The following PLXDC2 variants were observed in gnomAD, a reference collection of about 807,000 sequenced individuals.
The protein encoded by PLXDC2 is plexin domain-containing protein 2.
PLXDC2 carries 40 observed loss-of-function variants against 68.9 expected under a neutral mutation model. That is an observed-to-expected ratio of 0.58 (90% CI 0.45 to 0.76). The LOEUF (loss-of-function observed/expected upper bound fraction) is 0.76. PLXDC2 is among the 30% of genes least tolerant of loss of function. The pLI is 0.00. For synonymous variants in PLXDC2, 243 were observed against 234.2 expected (o/e 1.04, Z -0.34); for missense variants, 644 against 661.9 (o/e 0.97, Z 0.30).
At chr10:20,048,729 C>A (rs576413141) in intron 3 of PLXDC2, among the ~76,000 whole-genome samples, 66 of 152,164 alleles carry the variant, frequency 4.3e-4, no homozygotes, top group African/African-American at 1.5e-3. Context: ...ACAAATATGG[C>A]TACCATCTGT....
chr10:20,092,548 C>T (rs1007803635), intron 4 of PLXDC2, among the ~76,000 whole-genome samples: 2 of 152,026 alleles, frequency 1.3e-5, no homozygotes, highest in Non-Finnish European at 2.9e-5. Context: ...TTGGACAAAT[C>T]TCACAGAAGT....
chr10:19,974,322 A>G lies in PLXDC2; in HGVS notation c.113-27453A>G, dbSNP rs185400213. Among the ~76,000 whole-genome samples the G allele has an allele frequency of 3.8e-3, 574 of 152,334 alleles. 4 individuals carry two copies. The highest frequency in any genetic ancestry group is 1.6e-3 in the Non-Finnish European group (112 of 68,032). The stretch of plus-strand genomic sequence containing the variant: ...GGATCCTCATTGGACCATGAGATGT[A>G]AATTGTTAGTTCCACAACCAGCTGG... On this transcript the variant is annotated intron_variant, in intron 1 of 13. Transcript: ENST00000377252.
intron 4 of PLXDC2, among the ~76,000 whole-genome samples, chr10:20,086,378 G>T (rs1833196528): frequency 6.7e-6 from 1 of 149,618 alleles, no homozygotes; most frequent in South Asian, 2.1e-4. Context: ...TTTTTGTAGA[G>T]ACTGGGTCTC....
intron 1 of PLXDC2, among the ~76,000 whole-genome samples, chr10:19,823,498 A>G (rs12779736): frequency 0.11 from 17,195 of 151,404 alleles, 1,670 homozygotes; most frequent in African/African-American, 0.27. Context: ...CCTGGCCAAC[A>G]TGGTGAAACC....
intron 10 of PLXDC2, among the ~76,000 whole-genome samples, chr10:20,213,286 C>T (rs2131859342): frequency 6.6e-6 from 1 of 152,012 alleles, no homozygotes; most frequent in South Asian, 2.1e-4. Flanking sequence ...GATGGATAGC[C>T]AAATTTCAAG....
chr10:20,059,369 G>A (rs886167218), intron 3 of PLXDC2, among the ~76,000 whole-genome samples: 5 of 152,156 alleles, frequency 3.3e-5, no homozygotes, highest in Admixed American at 6.5e-5. Flanking sequence ...GTAGTCATGT[G>A]TTTGCTGGGA....
intron 3 of PLXDC2, among the ~76,000 whole-genome samples, chr10:20,052,813 C>T (rs1480644979): frequency 6.6e-6 from 1 of 151,716 alleles, no homozygotes; most frequent in Non-Finnish European, 1.5e-5. Context: ...ACGATTTAGC[C>T]TTGAGTAAGC....
intron 5 of PLXDC2, among the ~76,000 whole-genome samples, chr10:20,146,563 G>A (rs572049658): frequency 5.3e-5 from 6 of 112,552 alleles, no homozygotes; most frequent in South Asian, 6.3e-4. Flanking sequence ...ATATAGACAC[G>A]GAGATGCCCG....
intron 1 of PLXDC2, among the ~76,000 whole-genome samples, chr10:19,835,985 A>G (rs1836783114): frequency 6.6e-6 from 1 of 152,044 alleles, no homozygotes; most frequent in South Asian, 2.1e-4. Context: ...CAGCCTGGGC[A>G]ACAAAGTGAG....
chr10:20,225,539 C>T (rs1400302448), intron 12 of PLXDC2, among the ~76,000 whole-genome samples: 2 of 152,126 alleles, frequency 1.3e-5, no homozygotes, highest in African/African-American at 4.8e-5. Context: ...CTTTTCATGA[C>T]AGCACTAACC....
intron 4 of PLXDC2, among the ~76,000 whole-genome samples, chr10:20,139,705 G>A (rs192983469): frequency 9.9e-5 from 15 of 152,226 alleles, no homozygotes; most frequent in Middle Eastern, 3.4e-3. Flanking sequence ...TCCTTTGCAC[G>A]GATGTGGATG....
intron 1 of PLXDC2, among the ~76,000 whole-genome samples, chr10:19,927,713 C>CAAAAAAAAAAAAA (rs35250324): frequency 2.0e-3 from 106 of 53,148 alleles, no homozygotes; most frequent in East Asian, 3.9e-3. Flanking sequence ...GGAAAAAAAG[C>CAAAAAAAAAAAAA]AAAAAAAAAA....
chr10:19,890,875 CAT>C (rs1837947465), intron 1 of PLXDC2, among the ~76,000 whole-genome samples: 3 of 151,962 alleles, frequency 2.0e-5, no homozygotes, highest in Admixed American at 2.0e-4. Flanking sequence ...TAATTCCCAG[CAT>C]ATATATGCTC....
intron 10 of PLXDC2, among the ~76,000 whole-genome samples, chr10:20,216,558 G>A (rs1274708619): frequency 6.6e-6 from 1 of 152,126 alleles, no homozygotes; most frequent in East Asian, 1.9e-4. Flanking sequence ...CTAATGATGA[G>A]AGAAGTTTAA....
chr10:20,221,418 G>T (rs1480823504), intron 12 of PLXDC2, among the ~76,000 whole-genome samples: 1 of 152,174 alleles, frequency 6.6e-6, no homozygotes, highest in African/African-American at 2.4e-5. Context: ...TTGATATGCA[G>T]CAGGCATTCA....
intron 13 of PLXDC2, among the ~76,000 whole-genome samples, chr10:20,268,624 G>A (rs1835898908): frequency 6.6e-6 from 1 of 152,050 alleles, no homozygotes; most frequent in South Asian, 2.1e-4. Flanking sequence ...CCATTCCTAG[G>A]GTCACTGCTG....
At chr10:19,825,220 T>G (rs1233999082) in intron 1 of PLXDC2, among the ~76,000 whole-genome samples, 2 of 152,218 alleles carry the variant, frequency 1.3e-5, no homozygotes, top group Non-Finnish European at 2.9e-5. Flanking sequence ...ACTCAATAAT[T>G]GGACATTTTC....
chr10:19,921,538 A>G (rs2131381180), intron 1 of PLXDC2, among the ~76,000 whole-genome samples: 1 of 152,354 alleles, frequency 6.6e-6, no homozygotes, highest in East Asian at 1.9e-4. Context: ...TAACTGACTT[A>G]GACCATGCAT....
chr10:20,178,114 T>A (rs934807554), intron 9 of PLXDC2, among the ~76,000 whole-genome samples: 7 of 152,162 alleles, frequency 4.6e-5, no homozygotes, highest in Non-Finnish European at 8.8e-5. Context: ...ACATTCTTAG[T>A]AAATTTCTAT....
Sources: gnomAD v4.1 joint callset for allele counts (sites outside exome capture counted in the v4.1 genomes callset) on GRCh38, gnomAD v4.1.1 for gene constraint, MANE v1.5 for transcripts, NCBI Gene and HGNC (gene_info 2026-07-23, HGNC 2026-07-21) for gene names.